The following SLC4A1AP variants were observed in gnomAD, a reference collection of about 807,000 sequenced individuals.
The protein encoded by SLC4A1AP is solute carrier family 4 member 1 adaptor protein.
SLC4A1AP carries 64 observed loss-of-function variants against 89.7 expected under a neutral mutation model. The observed-to-expected ratio is 0.71, with a 90% CI of 0.58 to 0.88. The LOEUF is 0.88. SLC4A1AP is among the 40% of genes least tolerant of loss of function. SLC4A1AP has a pLI of 0.00. For missense variants in SLC4A1AP, 931 were observed against 965.0 expected, an observed-to-expected ratio of 0.96 and a Z score of 0.47; for synonymous variants, 366 against 353.3, an observed-to-expected ratio of 1.04 and a Z score of -0.40.
chr2:27,672,160 T>C (rs1489991111), intron 5 of SLC4A1AP, among the ~76,000 whole-genome samples: 2 of 152,206 alleles, frequency 1.3e-5, no homozygotes, highest in Non-Finnish European at 2.9e-5. Flanking sequence ...TCTGGGTACT[T>C]GTTGGATCCT....
intron 10 of SLC4A1AP, among the ~76,000 whole-genome samples, chr2:27,686,637 G>A (rs966723037): frequency 1.3e-5 from 2 of 152,106 alleles, no homozygotes; most frequent in African/African-American, 2.4e-5. Context: ...GCGTGATGGT[G>A]CATGCTTGTA....
chr2:27,669,846 T>C (rs1281309589), intron 5 of SLC4A1AP, among the ~76,000 whole-genome samples: 1 of 152,070 alleles, frequency 6.6e-6, no homozygotes, highest in Non-Finnish European at 1.5e-5. Flanking sequence ...TGCACCACCC[T>C]GCACAACTAA....
At chr2:27,690,920 G>T (rs950673012) in intron 12 of SLC4A1AP, among the ~76,000 whole-genome samples, 1 of 152,094 alleles carries the variant, frequency 6.6e-6, no homozygotes, top group African/African-American at 2.4e-5. Flanking sequence ...TTTCTGATAT[G>T]CTGTTGGATT....
intron 11 of SLC4A1AP, 118 bp from the exon 12 acceptor site, chr2:27,688,582 T>C (rs1675741967): frequency 1.5e-6 from 1 of 681,146 alleles, no homozygotes; most frequent in Non-Finnish European, 2.5e-6. Context: ...TTGTTGAGAA[T>C]TGCATTGTCA....
chr2:27,666,359 A>ACCCCCCC (rs1553363258), intron 2 of SLC4A1AP, among the ~76,000 whole-genome samples: 4 of 3,360 alleles, frequency 1.2e-3, no homozygotes, highest in Non-Finnish European at 2.7e-3. Context: ...TCCACCCCCC[A>ACCCCCCC]CCCCCCCCCC....
At chr2:27,678,236 A>G (rs1436779340) in intron 8 of SLC4A1AP, among the ~76,000 whole-genome samples, 1 of 152,162 alleles carries the variant, frequency 6.6e-6, no homozygotes, top group Non-Finnish European at 1.5e-5. Flanking sequence ...CAAAAAGCTA[A>G]TTTATCTAAT....
At chr2:27,673,990 TTGTG>T (rs56759152) in intron 5 of SLC4A1AP, among the ~76,000 whole-genome samples, 34,795 of 148,298 alleles carry the variant, frequency 0.23, 4,584 homozygotes, top group East Asian at 0.53. Flanking sequence ...CATATACAAG[TTGTG>T]TGTGTGTGTG....
chr2:27,693,988 T>C (rs919597576), intron 13 of SLC4A1AP, among the ~76,000 whole-genome samples: 1 of 152,228 alleles, frequency 6.6e-6, no homozygotes, highest in African/African-American at 2.4e-5. Context: ...TTTTTATTTT[T>C]TTAAAGTGTG....
At chr2:27,694,843 C>T in exon 14 of SLC4A1AP, 2 of 480,488 alleles carry the variant, frequency 4.2e-6, no homozygotes, top group South Asian at 5.0e-5. Flanking sequence ...TTTATCTGCC[C>T]ATATGATTCT....
chr2:27,672,068 C>G (rs1675434617), intron 5 of SLC4A1AP, among the ~76,000 whole-genome samples: 1 of 152,096 alleles, frequency 6.6e-6, no homozygotes, highest in Non-Finnish European at 1.5e-5. Flanking sequence ...TCCGCCTTGC[C>G]AGAGCTTGTA....
intron 13 of SLC4A1AP, among the ~76,000 whole-genome samples, chr2:27,694,195 A>G (rs917250474): frequency 6.6e-6 from 1 of 152,198 alleles, no homozygotes; most frequent in African/African-American, 2.4e-5. Flanking sequence ...ACTTATATAT[A>G]AAATGCTAAG....
chr2:27,679,635 A>G (rs76676258), intron 8 of SLC4A1AP, among the ~76,000 whole-genome samples: 1,829 of 151,984 alleles, frequency 0.012, 35 homozygotes, highest in African/African-American at 0.041. Context: ...TAGATATACA[A>G]TAGAACACCA....
At chr2:27,689,600 T>C (rs1055957088) in intron 12 of SLC4A1AP, among the ~76,000 whole-genome samples, 2 of 152,174 alleles carry the variant, frequency 1.3e-5, no homozygotes, top group African/African-American at 4.8e-5. Flanking sequence ...AGGAAGCTCA[T>C]TAGAGACTCA....
chr2:27,681,365 A>G (rs1675616447), intron 8 of SLC4A1AP, among the ~76,000 whole-genome samples: 2 of 152,196 alleles, frequency 1.3e-5, no homozygotes, highest in South Asian at 4.1e-4. Flanking sequence ...AGAAGGCAGT[A>G]GTAGCAAGTG....
At chr2:27,687,852 TTCTCTTG>T (rs1675726510) in intron 10 of SLC4A1AP, 75 bp from the exon 11 acceptor site, 1 of 1,021,626 alleles carries the variant, frequency 9.8e-7, no homozygotes, top group East Asian at 2.6e-5. Context: ...TAGCTTCTCT[TTCTCTTG>T]TTTTTGTTTT....
intron 12 of SLC4A1AP, chr2:27,693,433 T>A (rs918083373): frequency 2.3e-6 from 1 of 439,146 alleles, no homozygotes; most frequent in African/African-American, 2.0e-5. Flanking sequence ...CCTTTTGTTT[T>A]AAGATTTAGA....
At chr2:27,666,352 A>ACCACCCACCACCCCCCCCCCCCC (rs1558504861) in intron 2 of SLC4A1AP, among the ~76,000 whole-genome samples, 1 of 3,424 alleles carries the variant, frequency 2.9e-4, no homozygotes, top group African/African-American at 6.0e-4. Context: ...CTTGTGATCC[A>ACCACCCACCACCCCCCCCCCCCC]CCCCCCACCC....
At chr2:27,666,545 G>A (rs2148130289) in intron 2 of SLC4A1AP, among the ~76,000 whole-genome samples, 1 of 152,222 alleles carries the variant, frequency 6.6e-6, no homozygotes, top group African/African-American at 2.4e-5. Context: ...TTTTAAGGAA[G>A]TTGTGAGTAG....
chr2:27,688,634 G>T, intron 11 of SLC4A1AP, 66 bp from the exon 12 acceptor site: 1 of 1,029,916 alleles, frequency 9.7e-7, no homozygotes, highest in Non-Finnish European at 1.5e-6. Context: ...CTTTTAGGAA[G>T]AATTTTGCCT....
Sources: allele counts gnomAD v4.1 joint callset (sites outside exome capture counted in the v4.1 genomes callset), GRCh38; gene constraint gnomAD v4.1.1; transcripts MANE v1.5; gene names NCBI Gene and HGNC (gene_info 2026-07-23, HGNC 2026-07-21).